STARD13: variants seen among roughly 807,000 people sequenced by gnomAD.
STARD13 encodes the protein StAR related lipid transfer domain containing 13.
In STARD13, 62 loss-of-function variants were observed where a neutral mutation model predicts 106.4. That is an observed-to-expected ratio of 0.58 (90% CI 0.48 to 0.72). The LOEUF (loss-of-function observed/expected upper bound fraction) is 0.72, where lower values mean the gene tolerates loss of function less well. Ranked by LOEUF, STARD13 falls within the 30% of genes least tolerant of loss-of-function variation. STARD13 has a pLI of 0.00. For synonymous variants in STARD13, 565 were observed against 553.0 expected, an observed-to-expected ratio of 1.02 and a Z score of -0.31; for missense variants, 1,387 against 1,424.0, an observed-to-expected ratio of 0.97 and a Z score of 0.42.
chr13:33,349,047 C>G (rs900653285), exon 2 of STARD13: 2 of 691,436 alleles, frequency 2.9e-6, no homozygotes, highest in South Asian at 1.5e-5. Flanking sequence ...GAACACCTAG[C>G]AAACCACTTG....
At chr13:33,155,946 A>T (rs1414554399) in intron 3 of STARD13, among the ~76,000 whole-genome samples, 1 of 152,256 alleles carries the variant, frequency 6.6e-6, no homozygotes, top group African/African-American at 2.4e-5. Flanking sequence ...TAAGAATGTA[A>T]CAAAGAAGAA....
the STARD13 span, among the ~76,000 whole-genome samples, chr13:33,493,747 A>C: frequency 6.6e-6 from 1 of 152,180 alleles, no homozygotes; most frequent in Non-Finnish European, 1.5e-5. Context: ...AAAAGAAGAC[A>C]AATATTGAAG....
chr13:33,500,417 G>T, the STARD13 span, among the ~76,000 whole-genome samples: 1 of 152,116 alleles, frequency 6.6e-6, no homozygotes, highest in Non-Finnish European at 1.5e-5. Flanking sequence ...AAATGAGATT[G>T]ACAATTTCCT....
chr13:33,541,018 C>T, the STARD13 span, among the ~76,000 whole-genome samples: 7 of 152,110 alleles, frequency 4.6e-5, no homozygotes, highest in East Asian at 1.9e-4. Flanking sequence ...AGGATATTTG[C>T]AAAGGAGTCA....
At chr13:33,418,713 C>T in the STARD13 span, among the ~76,000 whole-genome samples, 13 of 152,284 alleles carry the variant, frequency 8.5e-5, no homozygotes, top group South Asian at 6.2e-4. Flanking sequence ...CTCATACAGG[C>T]GGGTGCCCCT....
At chr13:33,544,902 T>C in the STARD13 span, among the ~76,000 whole-genome samples, 222 of 151,788 alleles carry the variant, frequency 1.5e-3, no homozygotes, top group Middle Eastern at 3.4e-3. Flanking sequence ...ACCTCCTGAG[T>C]AGCTGGGACT....
intron 7 of STARD13, among the ~76,000 whole-genome samples, chr13:33,119,241 G>A (rs1875881596): frequency 6.6e-6 from 1 of 152,164 alleles, no homozygotes; most frequent in Non-Finnish European, 1.5e-5. Context: ...TAATATGTCT[G>A]CTATTTTTTA....
At chr13:33,250,282 G>C (rs1189100440) in intron 1 of STARD13, among the ~76,000 whole-genome samples, 1 of 152,182 alleles carries the variant, frequency 6.6e-6, no homozygotes, top group Non-Finnish European at 1.5e-5. Context: ...TCTCCTCCTA[G>C]TTCATATCTA....
intron 1 of STARD13, among the ~76,000 whole-genome samples, chr13:33,206,366 A>AACACACACACACACACAC (rs59306930): frequency 3.1e-4 from 46 of 149,574 alleles, no homozygotes; most frequent in Non-Finnish European, 5.3e-4. Flanking sequence ...CCATGACTGA[A>AACACACACACACACACAC]ACACACACAC....
At chr13:33,208,246 G>A (rs189265560) in intron 1 of STARD13, among the ~76,000 whole-genome samples, 1 of 152,282 alleles carries the variant, frequency 6.6e-6, no homozygotes, top group African/African-American at 2.4e-5. Context: ...AGGAGTCTAG[G>A]TTGGGGAGTG....
intron 1 of STARD13, among the ~76,000 whole-genome samples, chr13:33,261,262 T>C (rs1890625825): frequency 6.6e-6 from 1 of 151,994 alleles, no homozygotes; most frequent in South Asian, 2.1e-4. Flanking sequence ...TATCCAGAGG[T>C]AAAAACTATG....
chr13:33,446,410 G>A, the STARD13 span, among the ~76,000 whole-genome samples: 3 of 151,324 alleles, frequency 2.0e-5, no homozygotes, highest in Non-Finnish European at 4.4e-5. Flanking sequence ...ATGACTACGT[G>A]ATGAAAGCTA....
intron 1 of STARD13, among the ~76,000 whole-genome samples, chr13:33,183,318 T>A (rs1020500332): frequency 3.3e-5 from 5 of 152,106 alleles, no homozygotes; most frequent in Non-Finnish European, 4.4e-5. Flanking sequence ...GAGCTGAGAG[T>A]GACTTTCTTG....
At chr13:33,363,156 T>C in the STARD13 span, among the ~76,000 whole-genome samples, 93 of 152,382 alleles carry the variant, frequency 6.1e-4, 1 homozygote, top group African/African-American at 2.0e-3. Context: ...TGTATCCTTT[T>C]AGCATTCCTC....
chr13:33,461,728 A>G, the STARD13 span, among the ~76,000 whole-genome samples: 1 of 152,172 alleles, frequency 6.6e-6, no homozygotes, highest in South Asian at 2.1e-4. Flanking sequence ...GATGATATAT[A>G]TGAATTTGTA....
the STARD13 span, among the ~76,000 whole-genome samples, chr13:33,356,768 C>G: frequency 6.6e-6 from 1 of 152,190 alleles, no homozygotes. Context: ...TCATGAGATT[C>G]CAGTCCAGCC....
intron 3 of STARD13, among the ~76,000 whole-genome samples, chr13:33,164,785 A>G (rs760839335): frequency 1.3e-5 from 2 of 152,342 alleles, no homozygotes; most frequent in Non-Finnish European, 1.5e-5. Context: ...TCCTTACACT[A>G]TCTATCACAA....
At chr13:33,555,914 G>A in the STARD13 span, among the ~76,000 whole-genome samples, 1 of 152,304 alleles carries the variant, frequency 6.6e-6, no homozygotes, top group East Asian at 1.9e-4. Flanking sequence ...ATTGTCTGAT[G>A]TGGTATTCCT....
the STARD13 span, among the ~76,000 whole-genome samples, chr13:33,392,878 T>C: frequency 6.6e-6 from 1 of 152,234 alleles, no homozygotes; most frequent in African/African-American, 2.4e-5. Flanking sequence ...CATTTAAGTA[T>C]TGCTGGCATG....
Sources: gnomAD v4.1 joint callset for allele counts (sites outside exome capture counted in the v4.1 genomes callset) on GRCh38, gnomAD v4.1.1 for gene constraint, MANE v1.5 for transcripts, NCBI Gene and HGNC (gene_info 2026-07-23, HGNC 2026-07-21) for gene names.